The following HCK variants were observed in gnomAD, a reference collection of about 807,000 sequenced individuals.
HCK encodes the protein tyrosine-protein kinase HCK.
HCK carries 40 observed loss-of-function variants against 70.4 expected under a neutral mutation model. The ratio of observed to expected loss-of-function variants is 0.57; its 90% CI spans 0.44 to 0.74. HCK has a LOEUF of 0.74. Among genes scored for constraint, HCK ranks in the 30% least tolerant of loss-of-function variants. The probability of loss-of-function intolerance (pLI) is 0.00; values close to 1 mark genes in which losing one functional copy is unlikely to be tolerated. For synonymous variants in HCK, 245 were observed against 263.2 expected, an observed-to-expected ratio of 0.93 and a Z score of 0.67; for missense variants, 568 against 697.2, an observed-to-expected ratio of 0.81 and a Z score of 2.09.
chr20:32,085,522 T>C (rs1306792793), intron 8 of HCK, among the ~76,000 whole-genome samples: 1 of 151,608 alleles, frequency 6.6e-6, no homozygotes, highest in Non-Finnish European at 1.5e-5. Context: ...TAAAAAATAA[T>C]AATAAAATTA....
intron 9 of HCK, 71 bp from the exon 10 acceptor site, chr20:32,088,497 G>A (rs1194926881): frequency 2.6e-6 from 3 of 1,153,580 alleles, no homozygotes; most frequent in Non-Finnish European, 3.8e-6. Context: ...CTAGATTGGT[G>A]CAAAAGTAAT....
At chr20:32,089,932 T>A (rs144261849) in intron 10 of HCK, among the ~76,000 whole-genome samples, 580 of 152,340 alleles carry the variant, frequency 3.8e-3, no homozygotes, top group Non-Finnish European at 6.4e-3. Context: ...TTCAGCCTAC[T>A]CAGCAGGAGC....
intron 5 of HCK, 45 bp from the exon 6 acceptor site, chr20:32,079,729 C>G: frequency 7.3e-7 from 1 of 1,370,182 alleles, no homozygotes; most frequent in South Asian, 1.2e-5. Flanking sequence ...CCGGACAGGA[C>G]TGCATGACCC....
chr20:32,074,906 G>C (rs998665344), intron 5 of HCK, among the ~76,000 whole-genome samples, 185 bp downstream of exon 5: 2 of 152,162 alleles, frequency 1.3e-5, no homozygotes, highest in Non-Finnish European at 2.9e-5. Context: ...AGGCTAAAGT[G>C]GGTCCCAGCT....
chr20:32,080,068 C>T (rs1160090759), intron 6 of HCK, among the ~76,000 whole-genome samples, 191 bp downstream of exon 6: 1 of 152,248 alleles, frequency 6.6e-6, no homozygotes, highest in Admixed American at 6.5e-5. Context: ...CTCTGCCCTT[C>T]TTATCCACCA....
chr20:32,074,349 G>C (rs935854387), intron 4 of HCK, among the ~76,000 whole-genome samples: 15 of 152,206 alleles, frequency 9.9e-5, no homozygotes, highest in African/African-American at 3.6e-4. Context: ...TAAGACCAAA[G>C]CTGCAAGTCC....
chr20:32,059,396 C>G (rs575708938), intron 1 of HCK, among the ~76,000 whole-genome samples: 1 of 142,210 alleles, frequency 7.0e-6, no homozygotes, highest in East Asian at 2.1e-4. Flanking sequence ...TCTTCTCTTC[C>G]TTCCTTTCTT....
chr20:32,099,273 G>A, intron 12 of HCK, 138 bp downstream of exon 12: 1 of 855,296 alleles, frequency 1.2e-6, no homozygotes, highest in Non-Finnish European at 1.8e-6. Context: ...TTAGTTAAAG[G>A]CACCTCCATC....
intron 1 of HCK, among the ~76,000 whole-genome samples, chr20:32,059,196 T>A (rs1338637880): frequency 6.6e-6 from 1 of 152,156 alleles, no homozygotes; most frequent in African/African-American, 2.4e-5. Context: ...GCAGAGGATA[T>A]CTGGGTGGGG....
chr20:32,068,126 G>T (rs1376333866), intron 1 of HCK, among the ~76,000 whole-genome samples: 1 of 151,750 alleles, frequency 6.6e-6, no homozygotes, highest in Admixed American at 6.6e-5. Flanking sequence ...GTGAAACCCT[G>T]TCTCTACTAA....
intron 6 of HCK, among the ~76,000 whole-genome samples, chr20:32,081,374 G>T (rs188412565): frequency 6.6e-6 from 1 of 152,324 alleles, no homozygotes; most frequent in East Asian, 1.9e-4. Flanking sequence ...AACTGGCATC[G>T]ATTGAGGCTC....
At chr20:32,078,847 A>T (rs142951686) in intron 5 of HCK, among the ~76,000 whole-genome samples, 78 of 123,712 alleles carry the variant, frequency 6.3e-4, no homozygotes, top group African/African-American at 2.7e-3. Flanking sequence ...ACAGAGCAAG[A>T]CTCAGTCTCA....
intron 8 of HCK, among the ~76,000 whole-genome samples, chr20:32,085,375 G>A (rs779481676): frequency 3.9e-5 from 6 of 152,140 alleles, no homozygotes; most frequent in Non-Finnish European, 7.4e-5. Context: ...TTAGCCAGGC[G>A]TGGTGGTGGG....
intron 4 of HCK, among the ~76,000 whole-genome samples, chr20:32,074,077 C>T (rs532840131): frequency 3.0e-4 from 45 of 152,258 alleles, no homozygotes; most frequent in Admixed American, 5.9e-4. Context: ...AGGGCTCCTG[C>T]GATTAAGCCA....
In HCK at chr20:32,053,900, G is replaced by A. The variant is rs182560681; in HGVS notation, c.62+1414G>A. On this transcript the variant is annotated intron_variant, in intron 1 of 12. Transcript: ENST00000375852. ...GATGCTGCTGCTGCTGATCCAAGGA[G>A]GACACTTTGAGAACCACTGGGGTAG... is the stretch of plus-strand genomic sequence containing the variant. Among the ~76,000 whole-genome samples the A allele has an allele frequency of 2.0e-4, 30 of 152,116 alleles. No individual in the cohort carries two copies. The Middle Eastern group carries it at 0.014, about 69-fold the overall frequency.
chr20:32,099,019 T>C lies in HCK; in HGVS notation c.1262T>C (p.Ile421Thr). Residue 421 changes from isoleucine (I) to threonine (T), a missense_variant, in exon 12 of 13, where the codon ATC (isoleucine) becomes ACC (threonine). Physicochemically the swap from Ile to Thr is moderately conservative, Grantham distance 89 (BLOSUM62 -1). Around this residue, in one of 4 missense-constraint regions of HCK, gnomAD observed 160 missense variants for 237.5 expected, o/e 0.67. Transcript: ENST00000375852. ...AACCCTGCAGGGGCCAAGTTCCCCATCAAGTGGACAGCTCCTGAAGCCATC... is the reference window on the plus strand; with the variant it reads ...AACCCTGCAGGGGCCAAGTTCCCCACCAAGTGGACAGCTCCTGAAGCCATC... 1 of 1,614,160 alleles carries C rather than the reference T, an allele frequency of 6.2e-7. No homozygotes were observed. The highest frequency in any genetic ancestry group is 1.3e-5 in the African/African-American group (1 of 75,042).
At chr20:32,059,425 CTTTCTTT>C (rs1244808926) in intron 1 of HCK, among the ~76,000 whole-genome samples, 6 of 147,592 alleles carry the variant, frequency 4.1e-5, no homozygotes, top group Non-Finnish European at 3.0e-5. Context: ...CTCTCTCTTT[CTTTCTTT>C]TTTCTTTCTT....
In HCK at chr20:32,074,697, G is replaced by C. The variant is rs760621105; in HGVS notation, c.404G>C (p.Arg135Pro). Residue 135 changes from arginine to proline, a missense_variant, in exon 5 of 13, where the codon CGC becomes CCC. Physicochemically the swap from Arg to Pro is moderately radical, Grantham distance 103. Transcript: ENST00000375852. ...TACATCCCAAGCAACTATGTCGCCC[G>C]CGTTGACTCTCTGGAGACAGAGGAG... 2.5e-6 allele frequency: 4 copies of C among 1,613,758 alleles called. No individual in the cohort carries two copies. The South Asian group carries it at 4.4e-5, about 18-fold the overall frequency.
At chr20:32,076,047 G>T (rs1168833222) in intron 5 of HCK, among the ~76,000 whole-genome samples, 2 of 152,214 alleles carry the variant, frequency 1.3e-5, no homozygotes, top group African/African-American at 2.4e-5. Context: ...TTCTGGCTGG[G>T]CATGGTGGCT....
Sources: allele counts gnomAD v4.1 joint callset (sites outside exome capture counted in the v4.1 genomes callset), GRCh38; gene constraint gnomAD v4.1.1; regional missense constraint gnomAD v4.1.1; transcripts MANE v1.5; gene names NCBI Gene and HGNC (gene_info 2026-07-23, HGNC 2026-07-21).